Variants in PRKN observed in about 807,000 individuals in gnomAD.
PRKN encodes the protein parkin RBR E3 ubiquitin protein ligase.
In PRKN, 56 loss-of-function variants were observed where a neutral mutation model predicts 59.5. The ratio of observed to expected loss-of-function variants is 0.94; its 90% CI spans 0.76 to 1.18. The LOEUF is 1.18. Among genes scored for constraint, PRKN ranks in the 50% most tolerant of loss-of-function variants. PRKN has a pLI of 0.00. For missense variants in PRKN, 657 were observed against 596.4 expected, an observed-to-expected ratio of 1.10 and a Z score of -1.06; for synonymous variants, 250 against 222.1, an observed-to-expected ratio of 1.13 and a Z score of -1.12.
At chr6:161,973,200 T>C in intron 6 of PRKN, 102 bp downstream of exon 6, 1 of 800,744 alleles carries the variant, frequency 1.2e-6, no homozygotes, top group South Asian at 1.4e-5. Context: ...AAGGCTCGTG[T>C]GGCAGAACAA....
At chr6:162,414,544 T>TA (rs745476952) in intron 2 of PRKN, among the ~76,000 whole-genome samples, 4 of 150,294 alleles carry the variant, frequency 2.7e-5, no homozygotes, top group East Asian at 2.0e-4. Flanking sequence ...CTATCTCTAC[T>TA]AAAATACAAA....
At chr6:162,250,515 C>T (rs985569254) in intron 3 of PRKN, among the ~76,000 whole-genome samples, 2 of 152,180 alleles carry the variant, frequency 1.3e-5, no homozygotes, top group Admixed American at 6.6e-5. Context: ...AACCATCCCC[C>T]AGATTCAATT....
intron 1 of PRKN, among the ~76,000 whole-genome samples, chr6:162,564,259 C>A (rs982434337): frequency 2.0e-5 from 3 of 151,844 alleles, no homozygotes; most frequent in South Asian, 2.1e-4. Flanking sequence ...GCAGAAGAAT[C>A]GCTTGAATCA....
intron 2 of PRKN, among the ~76,000 whole-genome samples, chr6:162,425,128 A>G (rs1789170376): frequency 6.6e-6 from 1 of 152,146 alleles, no homozygotes; most frequent in African/African-American, 2.4e-5. Flanking sequence ...ACTAGACCTT[A>G]CATTTGATGG....
chr6:162,286,650 C>T (rs1271426335), intron 2 of PRKN, among the ~76,000 whole-genome samples: 1 of 152,116 alleles, frequency 6.6e-6, no homozygotes, highest in African/African-American at 2.4e-5. Context: ...ATGACAATAT[C>T]GAGTTCTTCT....
At chr6:162,606,466 G>A (rs796303057) in intron 1 of PRKN, among the ~76,000 whole-genome samples, 6 of 152,172 alleles carry the variant, frequency 3.9e-5, no homozygotes, top group South Asian at 4.1e-4. Flanking sequence ...TTGAAGTAAC[G>A]TTTGAACTGA....
rs1210448428 is a variant in PRKN at position 161,582,320 on chromosome 6, C to T, written c.872-12904G>A. Among the ~76,000 whole-genome samples the T allele has an allele frequency of 6.6e-6, 1 of 152,138 alleles. No individual in the cohort carries two copies. The highest frequency in any genetic ancestry group is 2.4e-5 in the African/African-American group (1 of 41,422). ...AGATTACCTTGAAACAATTTAGAGTCTCTAAAGTTGAAAGTTCTTCTTTGA... is the reference window on the plus strand; with the variant it reads ...AGATTACCTTGAAACAATTTAGAGTTTCTAAAGTTGAAAGTTCTTCTTTGA... On this transcript the variant is annotated intron_variant, in intron 7 of 11. Coordinates refer to ENST00000366898, the MANE Select transcript of PRKN (RefSeq NM_004562.3). The surrounding 1 kb of genome is among the most constrained non-coding windows in gnomAD (Gnocchi z 4.4).
At chr6:162,166,060 A>C in intron 4 of PRKN, among the ~76,000 whole-genome samples, 1 of 151,698 alleles carries the variant, frequency 6.6e-6, no homozygotes, top group South Asian at 2.1e-4. Context: ...AAAAAAAAAA[A>C]AAAAAAAAAA....
At chr6:162,200,833 C>T (rs567346836) in intron 4 of PRKN, among the ~76,000 whole-genome samples, 3 of 152,194 alleles carry the variant, frequency 2.0e-5, no homozygotes, top group Admixed American at 1.3e-4. Flanking sequence ...CTAATCACAC[C>T]GTAACAGAAG....
intron 1 of PRKN, among the ~76,000 whole-genome samples, chr6:162,694,064 G>A (rs952118610): frequency 1.3e-4 from 20 of 151,892 alleles, no homozygotes; most frequent in Non-Finnish European, 2.4e-4. Context: ...TGGCTAACAC[G>A]GTGAAACCCC....
rs569416516 is a variant in PRKN at position 162,080,885 on chromosome 6, C to A, written c.535-26711G>T. The stretch of plus-strand genomic sequence containing the variant: ...TCAAACCCTGTGGCTGCTTGATCAT[C>A]TAAGTTTATTTCATGTCTGAAATCC... On this transcript the variant is annotated intron_variant, in intron 4 of 11. Transcript: ENST00000366898. Among the ~76,000 whole-genome samples, 7 of 152,230 alleles carry A rather than the reference C, an allele frequency of 4.6e-5. 1 individual carries two copies. The South Asian group carries it at 1.2e-3, about 27-fold the overall frequency.
chr6:161,738,267 C>T (rs1457024141), intron 7 of PRKN, among the ~76,000 whole-genome samples: 1 of 152,110 alleles, frequency 6.6e-6, no homozygotes, highest in African/African-American at 2.4e-5. Context: ...CAGGGGAAAA[C>T]ACCTTTGTCA....
chr6:161,611,932 G>C (rs1291691277), intron 7 of PRKN, among the ~76,000 whole-genome samples: 1 of 152,150 alleles, frequency 6.6e-6, no homozygotes, highest in African/African-American at 2.4e-5. Context: ...TGATAAGAAA[G>C]CAAACAGCCT....
At position 162,255,723 on chromosome 6, in the gene PRKN, A is replaced by G. The variant is rs79477113; in HGVS notation, c.412+6802T>C. Among the ~76,000 whole-genome samples, 229 of 152,292 alleles carry G rather than the reference A, an allele frequency of 1.5e-3. 7 individuals carry two copies. Among genetic ancestry groups the G allele is most frequent in the African/African-American group, 5.3e-3 (219 of 41,556 alleles). On this transcript the variant is annotated intron_variant, in intron 3 of 11. Transcript: ENST00000366898. ...AGTCGGCTTAGCATTTGCATGGCAG[A>G]CACATCACAGCCCAGGTACCATGAA...
chr6:161,888,400 C>A (rs562283912), intron 6 of PRKN, among the ~76,000 whole-genome samples: 1 of 152,316 alleles, frequency 6.6e-6, no homozygotes, highest in East Asian at 1.9e-4. Context: ...GTTCTCACAA[C>A]ACATTCATTC....
At chr6:162,196,989 A>C (rs1784518905) in intron 4 of PRKN, among the ~76,000 whole-genome samples, 1 of 152,172 alleles carries the variant, frequency 6.6e-6, no homozygotes, top group Admixed American at 6.5e-5. Context: ...TTCAAAAATA[A>C]CCCAGGTGGC....
chr6:162,253,997 G>A (rs769531700), intron 3 of PRKN, among the ~76,000 whole-genome samples: 1 of 152,122 alleles, frequency 6.6e-6, no homozygotes, highest in Non-Finnish European at 1.5e-5. Context: ...ACTTTCCTAA[G>A]CTATCGCTCT....
At chr6:162,301,790 G>GGC (rs1781970985) in intron 2 of PRKN, among the ~76,000 whole-genome samples, 2 of 107,096 alleles carry the variant, frequency 1.9e-5, no homozygotes, top group East Asian at 2.6e-4. Context: ...GGGCGGGGGG[G>GGC]GGGTGCAGAA....
chr6:161,885,772 T>G (rs1325906642), intron 6 of PRKN, among the ~76,000 whole-genome samples: 1 of 152,114 alleles, frequency 6.6e-6, no homozygotes, highest in Non-Finnish European at 1.5e-5. Flanking sequence ...GTTCATATAA[T>G]TTTTAAAAAT....
Sources: gnomAD v4.1 joint callset for allele counts (sites outside exome capture counted in the v4.1 genomes callset) on GRCh38, gnomAD v4.1.1 for gene constraint, Gnocchi (gnomAD v3.1) non-coding constraint, MANE v1.5 for transcripts, NCBI Gene and HGNC (gene_info 2026-07-23, HGNC 2026-07-21) for gene names.